ZNF385D: variants seen among roughly 807,000 people sequenced by gnomAD.
The protein encoded by ZNF385D is zinc finger protein 659.
A neutral mutation model predicts 35.8 loss-of-function variants in ZNF385D; 15 were observed. That is an observed-to-expected ratio of 0.42 (90% CI 0.28 to 0.64). ZNF385D has a LOEUF of 0.64. ZNF385D is among the 30% of genes least tolerant of loss of function. ZNF385D has a pLI of 0.23. For missense variants in ZNF385D, 474 were observed against 494.6 expected (o/e 0.96, Z 0.39); for synonymous variants, 212 against 186.8 (o/e 1.13, Z -1.10).
chr3:21,702,039 C>T (rs1290639563), intron 1 of ZNF385D, among the ~76,000 whole-genome samples: 1 of 152,098 alleles, frequency 6.6e-6, no homozygotes, highest in Non-Finnish European at 1.5e-5. Flanking sequence ...ATCTGGAGGA[C>T]AGTAACCCTC....
chr3:22,043,054 C>G (rs1698765723), intron 3 of ZNF385D, among the ~76,000 whole-genome samples: 1 of 152,060 alleles, frequency 6.6e-6, no homozygotes, highest in South Asian at 2.1e-4. Flanking sequence ...TCCATTGTGG[C>G]TGACTGTGCC....
chr3:21,505,038 A>C (rs1706667999), intron 4 of ZNF385D, among the ~76,000 whole-genome samples: 1 of 152,192 alleles, frequency 6.6e-6, no homozygotes, highest in South Asian at 2.1e-4. Context: ...GAACCATTCC[A>C]GGAATGGGAG....
At chr3:21,752,418 A>C (rs2070145412), upstream of ZNF385D, among the ~76,000 whole-genome samples, 1 of 152,142 alleles carries the variant, frequency 6.6e-6, no homozygotes, top group African/African-American at 2.4e-5. Flanking sequence ...AGATTTCTAC[A>C]TTTTGATATT....
intron 2 of ZNF385D, among the ~76,000 whole-genome samples, chr3:22,301,969 A>G (rs1702925700): frequency 6.6e-6 from 1 of 152,022 alleles, no homozygotes; most frequent in Admixed American, 6.6e-5. Flanking sequence ...CTGTGTGTAT[A>G]TCCTTTTTAA....
At chr3:21,850,026 G>C (rs1032576083) in intron 3 of ZNF385D, among the ~76,000 whole-genome samples, 13 of 152,172 alleles carry the variant, frequency 8.5e-5, no homozygotes, top group South Asian at 2.1e-4. Context: ...TCACAGGCGT[G>C]AGCCACCACA....
chr3:21,893,896 C>T (rs185833657), intron 3 of ZNF385D, among the ~76,000 whole-genome samples: 6 of 152,110 alleles, frequency 3.9e-5, no homozygotes, highest in East Asian at 1.9e-4. Context: ...ATCTTGCAAA[C>T]GGAAAATTAT....
intron 2 of ZNF385D, among the ~76,000 whole-genome samples, chr3:21,631,160 A>G (rs1048701373): frequency 6.6e-6 from 1 of 152,054 alleles, no homozygotes; most frequent in Admixed American, 6.6e-5. Context: ...CTGAATAGAA[A>G]CTTTCTGATG....
At position 21,573,705 on chromosome 3, in the gene ZNF385D, T is replaced by C. The variant is rs553475531; in HGVS notation, c.166-9021A>G. ...AAATATGGCATCAAACACTTAAGAA[T>C]TACACATGCCTAGTCAACAAAGAAA... is the stretch of plus-strand genomic sequence containing the variant. On this transcript the variant is annotated intron_variant, in intron 2 of 7. Transcript: ENST00000281523. Among the ~76,000 whole-genome samples the C allele has an allele frequency of 1.4e-4, 19 of 137,712 alleles. No homozygotes were observed. In the East Asian group the frequency reaches 3.4e-3, roughly 25 times the overall value. The allele number at this position is 137,712 out of a possible 152,430, so 90.3% of individuals were successfully genotyped here.
intron 3 of ZNF385D, among the ~76,000 whole-genome samples, chr3:21,782,864 G>A (rs2071546435): frequency 6.6e-6 from 1 of 152,066 alleles, no homozygotes; most frequent in South Asian, 2.1e-4. Context: ...CGGGGAGGAA[G>A]AACAGAAATG....
At position 21,681,298 on chromosome 3, in the gene ZNF385D, T is replaced by TGAAAAA. The variant is rs367942289; in HGVS notation, c.23-16271_23-16270insTTTTTC. On this transcript the variant is annotated intron_variant, in intron 1 of 7. Coordinates refer to ENST00000281523, the MANE Select transcript of ZNF385D (RefSeq NM_024697.3). The stretch of plus-strand genomic sequence containing the variant: ...AGCCTATGTGAATATATTCCATCAG[T>TGAAAAA]AAAAAAAAAAAAAAAAAAAAAAAAA... Among the ~76,000 whole-genome samples, 20 of 64,458 alleles carry TGAAAAA rather than the reference T, an allele frequency of 3.1e-4. 1 individual carries two copies. Among genetic ancestry groups the TGAAAAA allele is most frequent in the Non-Finnish European group, 5.0e-4 (18 of 36,018 alleles). 42.3% of individuals were successfully genotyped at this position (64,458 alleles called of 152,430 possible).
chr3:21,461,911 G>A (rs913337897), intron 4 of ZNF385D, among the ~76,000 whole-genome samples: 1 of 151,992 alleles, frequency 6.6e-6, no homozygotes, highest in African/African-American at 2.4e-5. Context: ...TTTAACCTCT[G>A]AGCACTTAAG....
chr3:22,168,241 C>A (rs934009065), intron 3 of ZNF385D, among the ~76,000 whole-genome samples: 3 of 152,068 alleles, frequency 2.0e-5, no homozygotes, highest in African/African-American at 7.2e-5. Context: ...CATTTCTTCC[C>A]AAAGATATTT....
chr3:22,355,682 C>T (rs1290408684), intron 2 of ZNF385D, among the ~76,000 whole-genome samples: 1 of 151,770 alleles, frequency 6.6e-6, no homozygotes, highest in African/African-American at 2.4e-5. Flanking sequence ...AGGAAAACTT[C>T]TAAAAATCAA....
chr3:21,690,818 T>A (rs1371279654), intron 1 of ZNF385D, among the ~76,000 whole-genome samples: 4 of 152,184 alleles, frequency 2.6e-5, no homozygotes, highest in Admixed American at 2.0e-4. Flanking sequence ...TTAAAGAGTC[T>A]CAGATGATTC....
intron 3 of ZNF385D, among the ~76,000 whole-genome samples, chr3:21,562,894 A>AG (rs2063005663): frequency 6.6e-6 from 1 of 152,024 alleles, no homozygotes; most frequent in African/African-American, 2.4e-5. Context: ...TATTGTTAAA[A>AG]TTAAGCAATT....
intron 1 of ZNF385D, among the ~76,000 whole-genome samples, chr3:21,688,260 A>G (rs1381649762): frequency 3.9e-5 from 6 of 152,290 alleles, no homozygotes; most frequent in African/African-American, 2.4e-5. Context: ...ATATACTTCT[A>G]AAACATAATT....
chr3:22,298,351 G>A (rs1356615232), intron 2 of ZNF385D, among the ~76,000 whole-genome samples: 1 of 137,694 alleles, frequency 7.3e-6, no homozygotes, highest in African/African-American at 2.6e-5. Flanking sequence ...AGCAAAGGAG[G>A]AGAAGAGGAG....
intron 3 of ZNF385D, chr3:21,979,872 T>A (rs149816577): frequency 6.6e-6 from 1 of 152,212 alleles, no homozygotes; most frequent in Non-Finnish European, 1.5e-5. Context: ...AGAGTAACTA[T>A]TGCTGTTGTG....
intron 4 of ZNF385D, among the ~76,000 whole-genome samples, chr3:21,504,061 T>A (rs1349368931): frequency 6.6e-6 from 1 of 152,136 alleles, no homozygotes; most frequent in Non-Finnish European, 1.5e-5. Context: ...ATCTGATGAA[T>A]ACATTTGCAA....
Sources: allele counts gnomAD v4.1 joint callset (sites outside exome capture counted in the v4.1 genomes callset), GRCh38; gene constraint gnomAD v4.1.1; transcripts MANE v1.5; gene names NCBI Gene and HGNC (gene_info 2026-07-23, HGNC 2026-07-21).